TIA1: variants seen among roughly 807,000 people sequenced by gnomAD.
TIA1 encodes the protein TIA1 cytotoxic granule associated RNA binding protein.
In TIA1, 23 loss-of-function variants were observed where a neutral mutation model predicts 65.9. The observed-to-expected ratio is 0.35, with a 90% CI of 0.25 to 0.49. The LOEUF (loss-of-function observed/expected upper bound fraction) is 0.49. TIA1 is among the 20% of genes least tolerant of loss of function. TIA1 has a pLI of 0.98. For missense variants in TIA1, 371 were observed against 477.9 expected (o/e 0.78, Z 2.09); for synonymous variants, 147 against 149.4 (o/e 0.98, Z 0.12).
rs750466101 is a variant in TIA1 at position 70,229,257 on chromosome 2, T to G, written c.277+7A>C. On this transcript the variant is annotated splice_region_variant and intron_variant, in intron 4 of 12. Transcript: ENST00000433529. ...ACAAATGTTCAAAGAGCATAAAATA[T>G]ACTTACTGCTTGTATCTTTCTTTTG... 6.2e-7 allele frequency: 1 copy of G among 1,613,780 alleles called. No individual in the cohort carries two copies. Among genetic ancestry groups the G allele is most frequent in the East Asian group, 2.2e-5 (1 of 44,820 alleles).
intron 1 of TIA1, among the ~76,000 whole-genome samples, chr2:70,245,094 C>G (rs1693707683): frequency 1.3e-5 from 2 of 152,136 alleles, no homozygotes; most frequent in South Asian, 4.1e-4. Flanking sequence ...ATTCTCCTTC[C>G]TGAGCCTCCG....
chr2:70,221,561 G>C (rs1317232478), intron 7 of TIA1, among the ~76,000 whole-genome samples: 1 of 152,010 alleles, frequency 6.6e-6, no homozygotes, highest in Non-Finnish European at 1.5e-5. Context: ...AACAAGAACA[G>C]CACATTATGA....
intron 6 of TIA1, 27 bp from the exon 7 acceptor site, chr2:70,224,656 A>G (rs779947925): frequency 6.2e-7 from 1 of 1,611,980 alleles, no homozygotes; most frequent in Non-Finnish European, 8.5e-7. Flanking sequence ...TCAGAAGTTT[A>G]GGTTTGCAAA....
intron 1 of TIA1, 89 bp from the exon 2 acceptor site, chr2:70,236,264 T>C (rs1320392103): frequency 2.5e-6 from 2 of 793,504 alleles, no homozygotes; most frequent in African/African-American, 3.6e-5. Flanking sequence ...AATGGCACGA[T>C]CTCGGCTCAC....
rs1367766987 is a variant in TIA1, at chr2:70,209,632, A to G, written c.*3087T>C. On this transcript the variant is annotated 3_prime_UTR_variant, in exon 13 of 13. Transcript: ENST00000433529. ...TTAACAACAGAGAAAATCCAGGAAG[A>G]ATGAATTGAGTTCCTTCTAGGAGTT... The G allele has an allele frequency of 2.5e-6, 1 of 398,284 alleles. No homozygotes were observed. The highest frequency in any genetic ancestry group is 4.4e-6 in the Non-Finnish European group (1 of 225,978). 24.7% of individuals were successfully genotyped at this position (398,284 alleles called of 1,614,324 possible). A position where few individuals can be genotyped will look rare whatever the true frequency, so the allele number is the denominator to read the frequency against.
At chr2:70,248,645 A>G (rs1207948567), upstream of TIA1, 3 of 648,876 alleles carry the variant, frequency 4.6e-6, no homozygotes, top group Non-Finnish European at 7.9e-6. Context: ...GGAGCCTAGG[A>G]GCAGCCAGCA....
chr2:70,239,511 G>A (rs963643229), intron 1 of TIA1, among the ~76,000 whole-genome samples: 3 of 152,148 alleles, frequency 2.0e-5, no homozygotes, highest in Admixed American at 2.0e-4. Context: ...CCCCAGAATG[G>A]TAGTTTCTCA....
In TIA1 at chr2:70,210,368, TCC is replaced by T. The variant is rs1676179868; in HGVS notation, c.*2349_*2350del. Reference sequence around the variant, plus strand: ...TGAAACCATTTTAAAAACTTTAATTTCCTTACCTGATACTAATACCAGTATGA... The same window carrying T: ...TGAAACCATTTTAAAAACTTTAATTTTTACCTGATACTAATACCAGTATGA... On this transcript the variant is annotated 3_prime_UTR_variant, in exon 13 of 13. Coordinates refer to ENST00000433529, the MANE Select transcript of TIA1 (RefSeq NM_022173.4). The T allele has an allele frequency of 6.6e-6, 1 of 152,194 alleles. No individual in the cohort carries two copies. The highest frequency in any genetic ancestry group is 2.4e-5 in the African/African-American group (1 of 41,456). The allele number at this position is 152,194 out of a possible 1,614,324, so 9.4% of individuals were successfully genotyped here.
intron 1 of TIA1, among the ~76,000 whole-genome samples, chr2:70,240,498 G>A (rs1014537294): frequency 1.3e-5 from 2 of 152,200 alleles, no homozygotes; most frequent in African/African-American, 2.4e-5. Flanking sequence ...GCTGAGGTGG[G>A]TGGATCCCTT....
At chr2:70,216,573 C>A in intron 8 of TIA1, 74 bp from the exon 9 acceptor site, 1 of 1,422,478 alleles carries the variant, frequency 7.0e-7, no homozygotes, top group Non-Finnish European at 9.8e-7. Context: ...GCATTCACTA[C>A]ACTACTGTAA....
chr2:70,247,587 C>G (rs1323065843), intron 1 of TIA1, among the ~76,000 whole-genome samples: 1 of 152,136 alleles, frequency 6.6e-6, no homozygotes, highest in Non-Finnish European at 1.5e-5. Context: ...GTTGGGGAAG[C>G]CACACGACAA....
Position 70,212,841 on chromosome 2 carries a change from T to C in TIA1, c.1039A>G (p.Thr347Ala). The stretch of plus-strand genomic sequence containing the variant: ...CCCATCCATGGTGCAGAAGACTGTG[T>C]CTGACTGGTGGAGAATGTGAAAGAA... Reference protein sequence around the residue: ...QAWNQQGFNQTQSSAPWMGPN... With the variant: ...QAWNQQGFNQAQSSAPWMGPN... Residue 347 changes from threonine to alanine, a missense_variant, in exon 13 of 13, where the codon ACA (threonine) becomes GCA (alanine). Thr to Ala is a moderately conservative substitution (Grantham distance 58). Coordinates refer to ENST00000433529, the MANE Select transcript of TIA1 (RefSeq NM_022173.4). The C allele has an allele frequency of 6.2e-7, 1 of 1,612,546 alleles. No individual in the cohort carries two copies.
intron 1 of TIA1, among the ~76,000 whole-genome samples, chr2:70,245,952 T>G: frequency 7.7e-6 from 1 of 129,684 alleles, no homozygotes; most frequent in African/African-American, 3.0e-5. Flanking sequence ...AGATGGAGCC[T>G]CCCTCCTGTT....
intron 2 of TIA1, among the ~76,000 whole-genome samples, chr2:70,234,152 C>T (rs751938666): frequency 3.3e-5 from 5 of 152,140 alleles, no homozygotes; most frequent in African/African-American, 1.2e-4. Flanking sequence ...GATTTATATT[C>T]GGATAAATCA....
intron 2 of TIA1, among the ~76,000 whole-genome samples, chr2:70,234,178 C>T (rs925699711): frequency 6.6e-6 from 1 of 152,184 alleles, no homozygotes; most frequent in South Asian, 2.1e-4. Context: ...GGTTTACAGC[C>T]TTGCTTTGCC....
At chr2:70,216,689 T>C in intron 8 of TIA1, 190 bp from the exon 9 acceptor site, 3 of 1,462,584 alleles carry the variant, frequency 2.1e-6, no homozygotes, top group Non-Finnish European at 2.7e-6. Flanking sequence ...GTATTTTCTA[T>C]TTAATAGGAG....
At position 70,227,871 on chromosome 2, in the gene TIA1, A is replaced by C. The variant is rs758230622; in HGVS notation, c.311-49T>G. 4.6e-6 allele frequency: 6 copies of C among 1,292,200 alleles called. No homozygotes were observed. In the South Asian group the frequency reaches 5.2e-5, roughly 11 times the overall value. The allele number at this position is 1,292,200 out of a possible 1,614,324, so 80.0% of individuals were successfully genotyped here. On this transcript the variant is annotated intron_variant, in intron 5 of 12. Coordinates refer to ENST00000433529, the MANE Select transcript of TIA1 (RefSeq NM_022173.4). ...GTGAAAAGAAAAATAGAACTTTAGA[A>C]TTTAAAAAGTACTAAAATCTATCCA...
At position 70,209,784 on chromosome 2, in the gene TIA1, G is replaced by GT; in HGVS notation, c.*2934dup. 1 of 398,162 alleles carries GT rather than the reference G, an allele frequency of 2.5e-6. No homozygotes were observed. Among genetic ancestry groups the GT allele is most frequent in the Non-Finnish European group, 4.4e-6 (1 of 225,894 alleles). The allele number at this position is 398,162 out of a possible 1,614,324, so 24.7% of individuals were successfully genotyped here. ...TGAAAGGTTTGCTTTCTTATTTCCT[G>GT]TAAGTACATTTCGTTTTTCTAATTC... On this transcript the variant is annotated 3_prime_UTR_variant, in exon 13 of 13. Transcript: ENST00000433529.
intron 7 of TIA1, 44 bp from the exon 8 acceptor site, chr2:70,217,038 T>C: frequency 6.4e-7 from 1 of 1,560,736 alleles, no homozygotes; most frequent in Non-Finnish European, 8.6e-7. Flanking sequence ...TCACTATTAG[T>C]TGATGTTAAA....
Sources: gnomAD v4.1 joint callset for allele counts (sites outside exome capture counted in the v4.1 genomes callset) on GRCh38, gnomAD v4.1.1 for gene constraint, MANE v1.5 for transcripts, NCBI Gene and HGNC (gene_info 2026-07-23, HGNC 2026-07-21) for gene names.